The following TMEM132D variants were observed in gnomAD, a reference collection of about 807,000 sequenced individuals.
The protein encoded by TMEM132D is transmembrane protein 132D.
Under a neutral mutation model 62.3 loss-of-function variants are expected in TMEM132D, and 21 were observed. The observed-to-expected ratio is 0.34, with a 90% confidence interval of 0.24 to 0.49. TMEM132D has a LOEUF of 0.49. Ranked by LOEUF, TMEM132D falls within the 20% of genes least tolerant of loss-of-function variation. The probability of loss-of-function intolerance (pLI) is 0.99; values close to 1 mark genes in which losing one functional copy is unlikely to be tolerated. For missense variants in TMEM132D, 1,346 were observed against 1,402.8 expected (o/e 0.96, Z 0.65); for synonymous variants, 621 against 575.6 (o/e 1.08, Z -1.13).
chr12:129,518,137 TC>T (rs1225221581), intron 3 of TMEM132D, among the ~76,000 whole-genome samples: 1 of 152,170 alleles, frequency 6.6e-6, no homozygotes, highest in Non-Finnish European at 1.5e-5. Flanking sequence ...CCTTGACAGT[TC>T]CCTTCATGTT....
At chr12:129,683,927 G>A (rs1475710822) in intron 2 of TMEM132D, among the ~76,000 whole-genome samples, 1 of 152,136 alleles carries the variant, frequency 6.6e-6, no homozygotes, top group Non-Finnish European at 1.5e-5. Flanking sequence ...GAGTCTTGTT[G>A]AAAAGCAGAC....
chr12:129,152,686 A>G (rs746131192), intron 5 of TMEM132D, among the ~76,000 whole-genome samples: 1 of 152,038 alleles, frequency 6.6e-6, no homozygotes. Context: ...GCCTGGGTGT[A>G]GGCTTGTTTT....
intron 4 of TMEM132D, among the ~76,000 whole-genome samples, chr12:129,220,303 G>A (rs955320071): frequency 1.3e-5 from 2 of 152,054 alleles, no homozygotes; most frequent in African/African-American, 4.8e-5. Context: ...CTCTCCCACA[G>A]TCTGAGCCAG....
At chr12:129,722,732 T>A (rs1252304645) in intron 1 of TMEM132D, among the ~76,000 whole-genome samples, 1 of 48,132 alleles carries the variant, frequency 2.1e-5, no homozygotes, top group Non-Finnish European at 5.9e-5. Context: ...TGGCTCCTTT[T>A]TCTTTTTTTC....
At chr12:129,191,292 GACACACACACACAC>G (rs56128227) in intron 5 of TMEM132D, among the ~76,000 whole-genome samples, 5 of 145,132 alleles carry the variant, frequency 3.4e-5, no homozygotes, top group South Asian at 2.3e-4. Context: ...AGGGAAATAG[GACACACACACACAC>G]ACACACACAC....
chr12:129,460,544 A>G (rs1873632363), intron 3 of TMEM132D, among the ~76,000 whole-genome samples: 1 of 152,204 alleles, frequency 6.6e-6, no homozygotes, highest in Non-Finnish European at 1.5e-5. Flanking sequence ...AGATGGCATC[A>G]TAATTAGCAC....
intron 3 of TMEM132D, among the ~76,000 whole-genome samples, chr12:129,341,980 C>A (rs1243806167): frequency 1.3e-5 from 2 of 152,108 alleles, no homozygotes; most frequent in African/African-American, 4.8e-5. Context: ...GAATCAATAT[C>A]GTGAAAATGG....
chr12:129,711,390 T>C (rs1881639824), intron 1 of TMEM132D, among the ~76,000 whole-genome samples: 1 of 152,062 alleles, frequency 6.6e-6, no homozygotes, highest in African/African-American at 2.4e-5. Flanking sequence ...AGGTTCCAGG[T>C]GGAAAGCACT....
Position 129,509,530 on chromosome 12 carries a change from C to T in TMEM132D, c.1115+21529G>A, listed in dbSNP as rs190538452. ...AAATGTACAGATAAGTTATTACTGA[C>T]TATAATCACCCTGTTGTGCTATCAA... is the stretch of plus-strand genomic sequence containing the variant. On this transcript the variant is annotated intron_variant, in intron 3 of 8. Transcript: ENST00000422113. Among the ~76,000 whole-genome samples the T allele has an allele frequency of 1.8e-3, 273 of 152,248 alleles. 3 individuals carry two copies. The highest frequency in any genetic ancestry group is 8.1e-3 in the South Asian group (39 of 4,828).
chr12:129,286,904 C>T (rs532833275), intron 4 of TMEM132D, among the ~76,000 whole-genome samples: 3 of 152,134 alleles, frequency 2.0e-5, no homozygotes, highest in South Asian at 2.1e-4. Context: ...AAAAATTAGT[C>T]GGGCGTGGTG....
chr12:129,890,903 A>G (rs17772), intron 1 of TMEM132D, among the ~76,000 whole-genome samples: 3,012 of 152,330 alleles, frequency 0.02, 105 homozygotes, highest in African/African-American at 0.068. Context: ...CGAACCAAAT[A>G]GATCCTAGGA....
At chr12:129,361,275 T>G (rs1458019629) in intron 3 of TMEM132D, among the ~76,000 whole-genome samples, 1 of 152,198 alleles carries the variant, frequency 6.6e-6, no homozygotes, top group African/African-American at 2.4e-5. Context: ...TGTATAGATA[T>G]GAGATTCTGT....
chr12:129,322,814 G>T (rs1436864021), intron 4 of TMEM132D, among the ~76,000 whole-genome samples: 2 of 152,134 alleles, frequency 1.3e-5, no homozygotes, highest in Non-Finnish European at 2.9e-5. Flanking sequence ...TAACTGGCTA[G>T]TCACACACAT....
At chr12:129,830,727 G>A (rs1300145870) in intron 1 of TMEM132D, among the ~76,000 whole-genome samples, 1 of 152,092 alleles carries the variant, frequency 6.6e-6, no homozygotes, top group Non-Finnish European at 1.5e-5. Context: ...CTCCCAAAAT[G>A]ATTGGGCCTT....
At chr12:129,337,585 TCCCCTCCCCCGAGTTCAGTTCTAA>T (rs1869332947) in intron 4 of TMEM132D, 25 bp downstream of exon 4, 1 of 1,606,622 alleles carries the variant, frequency 6.2e-7, no homozygotes, top group East Asian at 2.2e-5. Flanking sequence ...GCCGGCGCCT[TCCCCTCCCCCGAGTTCAGTTCTAA>T]CAGCCCAGGG....
intron 4 of TMEM132D, among the ~76,000 whole-genome samples, chr12:129,217,570 C>G (rs773139058): frequency 3.3e-5 from 5 of 152,174 alleles, no homozygotes; most frequent in Admixed American, 1.3e-4. Flanking sequence ...GCTTATCCAA[C>G]CAGAACAGCT....
chr12:129,202,024 AAAAC>A (rs1878718803), intron 5 of TMEM132D, among the ~76,000 whole-genome samples: 3 of 149,460 alleles, frequency 2.0e-5, no homozygotes, highest in African/African-American at 7.4e-5. Flanking sequence ...AAAAAAAAAT[AAAAC>A]AAAACGAGCA....
At chr12:129,199,829 C>G (rs1878650004) in intron 5 of TMEM132D, among the ~76,000 whole-genome samples, 1 of 152,108 alleles carries the variant, frequency 6.6e-6, no homozygotes, top group South Asian at 2.1e-4. Flanking sequence ...GACCCGCCCC[C>G]ACGTTTCAAT....
intron 1 of TMEM132D, among the ~76,000 whole-genome samples, chr12:129,792,239 G>A (rs1317888950): frequency 1.3e-5 from 2 of 152,280 alleles, no homozygotes; most frequent in East Asian, 3.9e-4. Flanking sequence ...GGAGACAGTA[G>A]GGGATAGTGG....
Sources: gnomAD v4.1 joint callset for allele counts (sites outside exome capture counted in the v4.1 genomes callset) on GRCh38, gnomAD v4.1.1 for gene constraint, MANE v1.5 for transcripts, NCBI Gene and HGNC (gene_info 2026-07-23, HGNC 2026-07-21) for gene names.